SUMO2: variants seen among roughly 807,000 people sequenced by gnomAD.
SUMO2 encodes the protein small ubiquitin like modifier 2, also known as small ubiquitin-related modifier 2.
Under a neutral mutation model 16.0 loss-of-function variants are expected in SUMO2, and 1 was observed. The ratio of observed to expected loss-of-function variants is 0.06; its 90% CI spans 0.02 to 0.30. The LOEUF is 0.30. Ranked by LOEUF, SUMO2 falls within the 10% of genes least tolerant of loss-of-function variation. The pLI is 1.00. For synonymous variants in SUMO2, 36 were observed against 40.6 expected (o/e 0.89, Z 0.43); for missense variants, 16 against 117.5 (o/e 0.14, Z 3.99).
rs552928767 is a variant in SUMO2, at chr17:75,168,009, T to C, written c.*330A>G. On this transcript the variant is annotated 3_prime_UTR_variant, in exon 4 of 4. Coordinates refer to ENST00000420826, the MANE Select transcript of SUMO2 (RefSeq NM_006937.4). ...GAGAGCAAAATAACTTACTGGAATA[T>C]AAAGATAAGAGCTGAATGAGCATGC... 6.1e-4 allele frequency: 121 copies of C among 197,152 alleles called. No homozygotes were observed. In the South Asian group the frequency reaches 0.023, roughly 37 times the overall value. 12.2% of individuals were successfully genotyped at this position (197,152 alleles called of 1,614,324 possible).
At chr17:75,175,672 G>A (rs914753643) in intron 2 of SUMO2, among the ~76,000 whole-genome samples, 2 of 149,948 alleles carry the variant, frequency 1.3e-5, no homozygotes, top group Non-Finnish European at 3.0e-5. Context: ...TTGCTATGTC[G>A]CCCAGGCTGG....
chr17:75,175,322 C>A (rs2074773758), intron 2 of SUMO2, among the ~76,000 whole-genome samples: 1 of 150,346 alleles, frequency 6.7e-6, no homozygotes, highest in Non-Finnish European at 1.5e-5. Context: ...TATTTTTTTT[C>A]CTTTTCTTTT....
In SUMO2 at chr17:75,179,161, G is replaced by A. The variant is rs186285484; in HGVS notation, c.153+1896C>T. Among the ~76,000 whole-genome samples the A allele has an allele frequency of 2.0e-5, 3 of 152,272 alleles. No individual in the cohort carries two copies. The East Asian group carries it at 5.8e-4, about 29-fold the overall frequency. On this transcript the variant is annotated intron_variant, in intron 2 of 3. Transcript: ENST00000420826. ...GCACTAGTGTTCAAATATAGAAGAT[G>A]CCAGTTTATAAATTATTTAACACAA...
intron 1 of SUMO2, among the ~76,000 whole-genome samples, chr17:75,181,919 C>G (rs2074832089): frequency 6.6e-6 from 1 of 151,746 alleles, no homozygotes; most frequent in African/African-American, 2.4e-5. Flanking sequence ...TGTCCAAAAT[C>G]GAGTGCAGAA....
At chr17:75,180,417 AAAAAC>A (rs1358978274) in intron 2 of SUMO2, among the ~76,000 whole-genome samples, 25 of 143,310 alleles carry the variant, frequency 1.7e-4, no homozygotes, top group African/African-American at 5.8e-4. Flanking sequence ...AAAAAAAAAA[AAAAAC>A]GACTTCTTGG....
In SUMO2 at chr17:75,174,829, C is replaced by G. The variant is rs140186027; in HGVS notation, c.154-6G>C. 282 of 1,611,644 alleles carry G rather than the reference C, an allele frequency of 1.7e-4. 3 individuals are homozygous for G. In the South Asian group the frequency reaches 2.9e-3, roughly 17 times the overall value. ...ATCTGCCTCATTGACAATCCCTGAACGAGAATTTAAAAGCAATAAACAGCA... is the reference window on the plus strand; with the variant it reads ...ATCTGCCTCATTGACAATCCCTGAAGGAGAATTTAAAAGCAATAAACAGCA... On this transcript the variant is annotated splice_region_variant and splice_polypyrimidine_tract_variant and intron_variant, in intron 2 of 3. Transcript: ENST00000420826.
In SUMO2 at chr17:75,167,118, G is replaced by A. The variant is rs1568043966; in HGVS notation, c.*1221C>T. On this transcript the variant is annotated 3_prime_UTR_variant, in exon 4 of 4. Coordinates refer to ENST00000420826, the MANE Select transcript of SUMO2 (RefSeq NM_006937.4). The stretch of plus-strand genomic sequence containing the variant: ...GGATCACCTAAGGTCAGGAGTTCGA[G>A]ACCAGCCTGGCATACGTGATAAAAC... The A allele has an allele frequency of 6.8e-6, 1 of 148,080 alleles. No homozygotes were observed. Among genetic ancestry groups the A allele is most frequent in the Non-Finnish European group, 1.5e-5 (1 of 67,392 alleles). 9.2% of individuals were successfully genotyped at this position (148,080 alleles called of 1,614,324 possible).
At chr17:75,181,944 C>T (rs1419114117) in intron 1 of SUMO2, among the ~76,000 whole-genome samples, 2 of 152,084 alleles carry the variant, frequency 1.3e-5, no homozygotes, top group Admixed American at 1.3e-4. Context: ...TTCTGTAGCC[C>T]TAAAACGCTC....
Position 75,180,416 on chromosome 17 carries a change from A to AC in SUMO2, c.153+640_153+641insG, listed in dbSNP as rs1334141380. ...TTAAAAAAAAAAAAAAAAAAAAAAA[A>AC]AAAAACGACTTCTTGGTTTGGCGCG... On this transcript the variant is annotated intron_variant, in intron 2 of 3. Coordinates refer to ENST00000420826, the MANE Select transcript of SUMO2 (RefSeq NM_006937.4). Among the ~76,000 whole-genome samples the AC allele has an allele frequency of 1.5e-3, 226 of 146,660 alleles. 2 individuals are homozygous for AC. The highest frequency in any genetic ancestry group is 2.7e-3 in the Non-Finnish European group (182 of 66,254).
In SUMO2 at chr17:75,168,149, A is replaced by T. The variant is rs544778341; in HGVS notation, c.*190T>A. On this transcript the variant is annotated 3_prime_UTR_variant, in exon 4 of 4. Transcript: ENST00000420826. ...GTTTAGTTAAAAAAAAAAAAAATGC[A>T]ATATGCTTGTGCACATATACCAGTT... is the stretch of plus-strand genomic sequence containing the variant. The T allele has an allele frequency of 4.6e-6, 2 of 439,504 alleles. No individual in the cohort carries two copies. The highest frequency in any genetic ancestry group is 7.0e-5 in the South Asian group (1 of 14,240). 27.2% of individuals were successfully genotyped at this position (439,504 alleles called of 1,614,324 possible).
intron 2 of SUMO2, among the ~76,000 whole-genome samples, chr17:75,175,539 C>T (rs1207866996): frequency 1.3e-5 from 2 of 151,838 alleles, no homozygotes; most frequent in Non-Finnish European, 2.9e-5. Flanking sequence ...AGGCTGGTCT[C>T]GAACTCCTGA....
chr17:75,174,471 G>A (rs887526335), intron 3 of SUMO2, among the ~76,000 whole-genome samples: 1 of 152,220 alleles, frequency 6.6e-6, no homozygotes, highest in Non-Finnish European at 1.5e-5. Context: ...GGCCAAGGCT[G>A]CAGTGAGCTA....
At chr17:75,172,664 G>A (rs1416105922) in intron 3 of SUMO2, among the ~76,000 whole-genome samples, 7 of 151,756 alleles carry the variant, frequency 4.6e-5, no homozygotes, top group Non-Finnish European at 1.0e-4. Context: ...TAGTAGAGAC[G>A]GGGTTTCTCC....
chr17:75,168,729 A>G (rs546612074), intron 3 of SUMO2, among the ~76,000 whole-genome samples: 1 of 152,138 alleles, frequency 6.6e-6, no homozygotes, highest in African/African-American at 2.4e-5. Flanking sequence ...CAGTCTCCCA[A>G]GTAGCTGAGA....
At chr17:75,181,830 T>TC (rs910207731) in intron 1 of SUMO2, among the ~76,000 whole-genome samples, 1 of 151,836 alleles carries the variant, frequency 6.6e-6, no homozygotes, top group Non-Finnish European at 1.5e-5. Flanking sequence ...TATTCTCCCC[T>TC]CCCCCCCTTT....
In SUMO2 at chr17:75,167,960, G is replaced by GT. The variant is rs572845698; in HGVS notation, c.*378dup. 0.049 allele frequency: 7,309 copies of GT among 150,442 alleles called. 184 individuals are homozygous for GT. The highest frequency in any genetic ancestry group is 0.072 in the Non-Finnish European group (5,027 of 69,636). 9.3% of individuals were successfully genotyped at this position (150,442 alleles called of 1,614,324 possible). A position where few individuals can be genotyped will look rare whatever the true frequency, so the allele number is the denominator to read the frequency against. On this transcript the variant is annotated 3_prime_UTR_variant, in exon 4 of 4. Transcript: ENST00000420826. ...GGTATGCAAGGATTTTTATGTTGTT[G>GT]TTTTTTTTTTTTGTTAAAACAGTGA...
intron 3 of SUMO2, among the ~76,000 whole-genome samples, chr17:75,174,331 C>T (rs1598224247): frequency 6.6e-6 from 1 of 152,250 alleles, no homozygotes; most frequent in East Asian, 1.9e-4. Context: ...GCGAGGGCTG[C>T]CATGACCCAA....
intron 1 of SUMO2, chr17:75,182,534 G>T (rs979437263): frequency 3.8e-6 from 1 of 263,444 alleles, no homozygotes; most frequent in African/African-American, 2.3e-5. Context: ...GTTCGGGGCT[G>T]GTGGGTCCGC....
At chr17:75,179,800 G>T (rs1405454856) in intron 2 of SUMO2, among the ~76,000 whole-genome samples, 1 of 151,766 alleles carries the variant, frequency 6.6e-6, no homozygotes, top group African/African-American at 2.4e-5. Flanking sequence ...GTGGGATTAT[G>T]CGCGTGTAAC....
Sources: allele counts gnomAD v4.1 joint callset (sites outside exome capture counted in the v4.1 genomes callset), GRCh38; gene constraint gnomAD v4.1.1; transcripts MANE v1.5; gene names NCBI Gene and HGNC (gene_info 2026-07-23, HGNC 2026-07-21).